The following TRIM37 variants were observed in gnomAD, a reference collection of about 807,000 sequenced individuals.
TRIM37 encodes the protein E3 ubiquitin-protein ligase TRIM37.
TRIM37 carries 80 observed loss-of-function variants against 129.8 expected under a neutral mutation model. That is an observed-to-expected ratio of 0.62 (90% CI 0.51 to 0.74). The LOEUF (loss-of-function observed/expected upper bound fraction) is 0.74. Among genes scored for constraint, TRIM37 ranks in the 30% least tolerant of loss-of-function variants. The pLI is 0.00. For missense variants in TRIM37, 1,054 were observed against 1,176.5 expected (o/e 0.90, Z 1.52); for synonymous variants, 389 against 387.1 (o/e 1.00, Z -0.06).
chr17:59,103,086 T>C (rs1246453361), intron 2 of TRIM37, among the ~76,000 whole-genome samples: 2 of 152,066 alleles, frequency 1.3e-5, no homozygotes, highest in African/African-American at 4.8e-5. Context: ...TTGGTCAGGA[T>C]GGTCTCGAAC....
At chr17:59,032,651 C>A (rs2038015682) in intron 17 of TRIM37, among the ~76,000 whole-genome samples, 1 of 151,814 alleles carries the variant, frequency 6.6e-6, no homozygotes, top group Non-Finnish European at 1.5e-5. Flanking sequence ...CCATCCTGAG[C>A]CCTAGAAAAA....
At chr17:59,070,407 TA>T (rs965086829) in intron 9 of TRIM37, among the ~76,000 whole-genome samples, 4 of 152,328 alleles carry the variant, frequency 2.6e-5, no homozygotes, top group African/African-American at 7.2e-5. Context: ...TGTAATCAAT[TA>T]TTTTTTTCTA....
At chr17:58,986,947 G>C (rs1352894879) in intron 24 of TRIM37, among the ~76,000 whole-genome samples, 1 of 152,096 alleles carries the variant, frequency 6.6e-6, no homozygotes, top group African/African-American at 2.4e-5. Context: ...TCTTTTCTGA[G>C]AGCCCCAACT....
chr17:59,035,931 C>T (rs753885178), intron 17 of TRIM37, among the ~76,000 whole-genome samples: 14 of 152,058 alleles, frequency 9.2e-5, no homozygotes, highest in Admixed American at 9.2e-4. Flanking sequence ...CAGCATACTG[C>T]CTGTATGCAT....
downstream of TRIM37, chr17:58,980,751 G>C: frequency 6.2e-7 from 1 of 1,614,146 alleles, no homozygotes; most frequent in African/African-American, 1.3e-5. This position sits in a 1 kb window ranked among gnomAD's most constrained non-coding sequence, Gnocchi z 4.7. Context: ...CCGGGAAACA[G>C]AGTTTCTAGA....
chr17:59,080,016 A>C, intron 6 of TRIM37, 139 bp from the exon 7 acceptor site: 1 of 912,032 alleles, frequency 1.1e-6, no homozygotes. Flanking sequence ...CAACTTGCTT[A>C]TATTTCAAAA....
chr17:58,979,455 C>T (rs1053136563), downstream of TRIM37, among the ~76,000 whole-genome samples: 35 of 152,204 alleles, frequency 2.3e-4, no homozygotes, highest in Admixed American at 1.9e-3. Context: ...CCTTCGTGCT[C>T]GCAGCATGAA....
At position 59,035,680 on chromosome 17, in the gene TRIM37, GA is replaced by G; in HGVS notation, c.1754-3591del. On this transcript the variant is annotated intron_variant, in intron 17 of 23. Coordinates refer to ENST00000262294, the MANE Select transcript of TRIM37 (RefSeq NM_015294.6). The stretch of plus-strand genomic sequence containing the variant: ...CAGAATTGCTTGAACCCAGGAGGCA[GA>G]GGTTGCAGTGAGCTGAGATCGTGCC... Among the ~76,000 whole-genome samples, 3 of 152,094 alleles carry G rather than the reference GA, an allele frequency of 2.0e-5. No individual in the cohort carries two copies. The South Asian group carries it at 6.2e-4, about 32-fold the overall frequency.
At chr17:58,967,799 A>T in the TRIM37 span, among the ~76,000 whole-genome samples, 1 of 148,510 alleles carries the variant, frequency 6.7e-6, no homozygotes, top group Non-Finnish European at 1.5e-5. Flanking sequence ...AGCATTCTTT[A>T]TTTCTTTTTT....
intron 2 of TRIM37, among the ~76,000 whole-genome samples, chr17:59,101,695 T>TATAC (rs1405459768): frequency 3.5e-4 from 31 of 89,652 alleles, no homozygotes; most frequent in Admixed American, 1.0e-3. Context: ...TATATATATA[T>TATAC]ACACACACAC....
chr17:59,096,389 T>C (rs1333509977), intron 2 of TRIM37, among the ~76,000 whole-genome samples: 4 of 151,656 alleles, frequency 2.6e-5, no homozygotes, highest in African/African-American at 9.7e-5. Flanking sequence ...CCGCCTCTAC[T>C]AAAAATATAA....
rs542359232 is a variant in TRIM37 at position 59,012,894 on chromosome 17, T to A, written c.2577-448A>T. ...CTGTCTCAAAAAAAAAAAAAATTTT[T>A]TTTTCACTAAATATTCACAAAAAAA... On this transcript the variant is annotated intron_variant, in intron 21 of 23. Coordinates refer to ENST00000262294, the MANE Select transcript of TRIM37 (RefSeq NM_015294.6). Among the ~76,000 whole-genome samples, 250 of 152,022 alleles carry A rather than the reference T, an allele frequency of 1.6e-3. 2 individuals are homozygous for A. Among genetic ancestry groups the A allele is most frequent in the East Asian group, 8.1e-3 (42 of 5,166 alleles).
chr17:59,101,406 ATAATC>A (rs1290075673), intron 2 of TRIM37, among the ~76,000 whole-genome samples: 1 of 152,134 alleles, frequency 6.6e-6, no homozygotes, highest in Non-Finnish European at 1.5e-5. Context: ...AAGTAATTAA[ATAATC>A]TAAGCATGAG....
intron 22 of TRIM37, among the ~76,000 whole-genome samples, chr17:59,010,372 A>G (rs1430534672): frequency 6.6e-6 from 1 of 152,230 alleles, no homozygotes; most frequent in African/African-American, 2.4e-5. Context: ...CCTAAATGGC[A>G]ATGGTGCAAA....
intron 17 of TRIM37, among the ~76,000 whole-genome samples, chr17:59,034,887 A>G (rs192651433): frequency 6.6e-6 from 1 of 152,200 alleles, no homozygotes; most frequent in East Asian, 1.9e-4. Context: ...CTCCTACTCT[A>G]CAAAAATAAC....
At chr17:59,048,890 C>T (rs113789625) in intron 15 of TRIM37, among the ~76,000 whole-genome samples, 3,284 of 152,334 alleles carry the variant, frequency 0.022, 114 homozygotes, top group African/African-American at 0.075. Context: ...AGCCACCGCA[C>T]CCGGCCAGAA....
chr17:59,025,772 T>G (rs1175966765), intron 19 of TRIM37, among the ~76,000 whole-genome samples: 3 of 152,210 alleles, frequency 2.0e-5, no homozygotes, highest in African/African-American at 7.2e-5. Context: ...CAACTGTATC[T>G]GCAAAATATG....
Position 58,983,178 on chromosome 17 carries a change from C to G in TRIM37, c.2892-257G>C, listed in dbSNP as rs2031475846. On this transcript the variant is annotated intron_variant, in intron 24 of 24. Transcript: ENST00000393066. The stretch of plus-strand genomic sequence containing the variant: ...TCTGGATTTTGTAGGTCCGACTACA[C>G]AGCAGTGTTAACTCATTTCTCATGC... The G allele has an allele frequency of 9.8e-6, 4 of 409,978 alleles. No individual in the cohort carries two copies. The East Asian group carries it at 1.5e-4, about 16-fold the overall frequency. The allele number at this position is 409,978 out of a possible 1,614,324, so 25.4% of individuals were successfully genotyped here.
At position 59,061,096 on chromosome 17, in the gene TRIM37, C is replaced by T; in HGVS notation, c.955G>A (p.Val319Ile). 6.2e-7 allele frequency: 1 copy of T among 1,613,482 alleles called. No individual in the cohort carries two copies. Among genetic ancestry groups the T allele is most frequent in the Non-Finnish European group, 8.5e-7 (1 of 1,179,588 alleles). Residue 319 changes from valine (V) to isoleucine (I), a missense_variant, in exon 12 of 24, where the codon GTT becomes ATT. Around this residue, in one of 3 missense-constraint regions of TRIM37, gnomAD observed 752 missense variants for 870.8 expected, o/e 0.86. Transcript: ENST00000262294. ...ACAGATAAGTAGTAACCTCGCACAA[C>T]TCCATTTCCATCCTAAAAGAAGAAT... ...RLKVYPDGNG[V>I]VRGYYLSVFL...
Sources: gnomAD v4.1 joint callset for allele counts (sites outside exome capture counted in the v4.1 genomes callset) on GRCh38, gnomAD v4.1.1 for gene constraint, gnomAD v4.1.1 regional missense constraint, Gnocchi (gnomAD v3.1) non-coding constraint, MANE v1.5 for transcripts, NCBI Gene and HGNC (gene_info 2026-07-23, HGNC 2026-07-21) for gene names.